Variants in ADAMTS12 observed in about 807,000 individuals in gnomAD.
ADAMTS12 encodes the protein ADAM metallopeptidase with thrombospondin type 1 motif 12, also known as A disintegrin and metalloproteinase with thrombospondin motifs 12.
Under a neutral mutation model 167.8 loss-of-function variants are expected in ADAMTS12, and 118 were observed. The ratio of observed to expected loss-of-function variants is 0.70; its 90% CI spans 0.61 to 0.82. The LOEUF is 0.82. ADAMTS12 is among the 40% of genes least tolerant of loss of function. The pLI is 0.00. For synonymous variants in ADAMTS12, 704 were observed against 716.9 expected, an observed-to-expected ratio of 0.98 and a Z score of 0.29; for missense variants, 1,916 against 1,998.8, an observed-to-expected ratio of 0.96 and a Z score of 0.79.
chr5:33,734,261 T>C (rs1172998389), intron 3 of ADAMTS12, among the ~76,000 whole-genome samples: 2 of 152,238 alleles, frequency 1.3e-5, no homozygotes, highest in Non-Finnish European at 2.9e-5. Context: ...GAAGTGGTCA[T>C]ACCCTGTCAC....
intron 2 of ADAMTS12, among the ~76,000 whole-genome samples, chr5:33,835,364 TC>T (rs1218016051): frequency 6.6e-6 from 1 of 152,236 alleles, no homozygotes; most frequent in Non-Finnish European, 1.5e-5. Flanking sequence ...TTAAGCATTA[TC>T]CCTAATCTTT....
At chr5:33,879,700 T>C (rs1561324550) in intron 2 of ADAMTS12, among the ~76,000 whole-genome samples, 1 of 152,218 alleles carries the variant, frequency 6.6e-6, no homozygotes. Flanking sequence ...AGCAAGACTT[T>C]CCATTTATTG....
intron 19 of ADAMTS12, among the ~76,000 whole-genome samples, chr5:33,570,964 G>C (rs1312844770): frequency 6.6e-6 from 1 of 151,468 alleles, no homozygotes; most frequent in Non-Finnish European, 1.5e-5. Context: ...TGATAAAACA[G>C]ACTTTAAACC....
chr5:33,734,991 A>G (rs1744320876), intron 3 of ADAMTS12, among the ~76,000 whole-genome samples: 1 of 152,262 alleles, frequency 6.6e-6, no homozygotes, highest in South Asian at 2.1e-4. Context: ...GATGTCTGGT[A>G]AAGTCTTTTG....
chr5:33,649,476 G>A lies in ADAMTS12; in HGVS notation c.1334+78C>T, dbSNP rs537710763. The A allele has an allele frequency of 9.1e-6, 14 of 1,531,950 alleles. No homozygotes were observed. The African/African-American group carries it at 1.9e-4, about 21-fold the overall frequency. The allele number at this position is 1,531,950 out of a possible 1,614,324, so 94.9% of individuals were successfully genotyped here. ...GGAATCCAGCCTTTTCCAGGCATCA[G>A]CTTCTCTGTGTAAAACTCAATGCAG... On this transcript the variant is annotated intron_variant, in intron 8 of 23. Coordinates refer to ENST00000504830, the MANE Select transcript of ADAMTS12 (RefSeq NM_030955.4).
chr5:33,538,450 C>A (rs1744521774), intron 22 of ADAMTS12, among the ~76,000 whole-genome samples: 1 of 152,174 alleles, frequency 6.6e-6, no homozygotes, highest in South Asian at 2.1e-4. Flanking sequence ...CACCATGTCT[C>A]ATGCCTCCCT....
At chr5:33,586,070 G>T (rs1280002826) in intron 18 of ADAMTS12, among the ~76,000 whole-genome samples, 2 of 152,194 alleles carry the variant, frequency 1.3e-5, no homozygotes, top group African/African-American at 2.4e-5. Context: ...ACCATCCAGG[G>T]TGATGAAAAT....
intron 21 of ADAMTS12, among the ~76,000 whole-genome samples, chr5:33,548,967 C>A (rs1330981790): frequency 6.6e-6 from 1 of 152,184 alleles, no homozygotes; most frequent in Admixed American, 6.5e-5. Context: ...GGTTGCAACA[C>A]AACACTGAAC....
intron 16 of ADAMTS12, among the ~76,000 whole-genome samples, chr5:33,604,688 A>G (rs1363159304): frequency 6.6e-6 from 1 of 152,032 alleles, no homozygotes; most frequent in Non-Finnish European, 1.5e-5. Context: ...TGTCAATGTC[A>G]CCATGAGACA....
chr5:33,630,993 G>A (rs79948421), intron 12 of ADAMTS12, 80 bp from the exon 13 acceptor site: 85,838 of 1,543,378 alleles, frequency 0.056, 2,782 homozygotes, highest in Non-Finnish European at 0.063. Context: ...CCGTACTTAG[G>A]ACCCCCAAGT....
At chr5:33,865,908 T>C (rs1749802563) in intron 2 of ADAMTS12, among the ~76,000 whole-genome samples, 1 of 151,940 alleles carries the variant, frequency 6.6e-6, no homozygotes, top group Admixed American at 6.6e-5. Flanking sequence ...ACCAATGAGA[T>C]AAAAGAGCTC....
rs140273784 is a variant in ADAMTS12 at position 33,838,780 on chromosome 5, G to A, written c.489+42339C>T. On this transcript the variant is annotated intron_variant, in intron 2 of 23. Coordinates refer to ENST00000504830, the MANE Select transcript of ADAMTS12 (RefSeq NM_030955.4). Reference sequence around the variant, plus strand: ...GAGCAGAGAAGAGGACCTGGGGAGGGATGGTGAAGGGACTGAAGTGAGTAG... The same window carrying A: ...GAGCAGAGAAGAGGACCTGGGGAGGAATGGTGAAGGGACTGAAGTGAGTAG... Among the ~76,000 whole-genome samples, 29 of 152,220 alleles carry A rather than the reference G, an allele frequency of 1.9e-4. No homozygotes were observed. In the East Asian group the frequency reaches 5.6e-3, roughly 29 times the overall value.
In ADAMTS12 at chr5:33,863,626, T is replaced by G. The variant is rs187645407; in HGVS notation, c.489+17493A>C. 1.4e-3 allele frequency among the ~76,000 whole-genome samples: 218 copies of G among 152,330 alleles called. 2 individuals carry two copies. The highest frequency in any genetic ancestry group is 5.1e-3 in the African/African-American group (212 of 41,574). On this transcript the variant is annotated intron_variant, in intron 2 of 23. Coordinates refer to ENST00000504830, the MANE Select transcript of ADAMTS12 (RefSeq NM_030955.4). ...ATCAATATCGTGAAAATGGCCATAC[T>G]GACCAAAGTAATTTATAGATTCAAT...
chr5:33,682,752 G>C (rs981724970), intron 5 of ADAMTS12, among the ~76,000 whole-genome samples: 1 of 152,140 alleles, frequency 6.6e-6, no homozygotes, highest in African/African-American at 2.4e-5. Flanking sequence ...AACATCTTTA[G>C]TGACTGCGGT....
chr5:33,542,247 C>A (rs551350768), intron 22 of ADAMTS12, among the ~76,000 whole-genome samples: 5 of 152,238 alleles, frequency 3.3e-5, no homozygotes, highest in South Asian at 4.2e-4. Flanking sequence ...CAAAGAAAGC[C>A]ATTACATAAT....
Position 33,576,289 on chromosome 5 carries a change from T to C in ADAMTS12, c.3737A>G (p.Asn1246Ser), listed in dbSNP as rs373062449. 5.0e-6 allele frequency: 8 copies of C among 1,614,074 alleles called. No individual in the cohort carries two copies. The African/African-American group carries it at 6.7e-5, about 13-fold the overall frequency. ...GTCTCCTCCCAGAGGGAGCAGAGTG[T>C]TGGCTGGCTTTTCAGTAACCATCCC... Reference protein sequence around the residue: ...VEGMVTEKPANTLLPLGGDHQ... With the variant: ...VEGMVTEKPASTLLPLGGDHQ... Residue 1246 changes from asparagine to serine, a missense_variant, in exon 19 of 24, where the codon AAC (asparagine) becomes AGC (serine). By Grantham distance (46) the Asn-to-Ser change is conservative (BLOSUM62 1). Transcript: ENST00000504830.
intron 2 of ADAMTS12, among the ~76,000 whole-genome samples, chr5:33,817,075 C>G (rs1329225870): frequency 6.6e-6 from 1 of 152,138 alleles, no homozygotes; most frequent in Non-Finnish European, 1.5e-5. Context: ...AAATATTAAT[C>G]AGACTTCTAC....
intron 2 of ADAMTS12, among the ~76,000 whole-genome samples, chr5:33,797,169 G>A (rs1746805956): frequency 6.6e-6 from 1 of 152,156 alleles, no homozygotes; most frequent in Non-Finnish European, 1.5e-5. Context: ...TAGATGCCTA[G>A]CCTCCCACAG....
intron 2 of ADAMTS12, among the ~76,000 whole-genome samples, chr5:33,784,566 GA>G (rs1238144757): frequency 2.6e-5 from 4 of 151,886 alleles, no homozygotes; most frequent in Non-Finnish European, 5.9e-5. Flanking sequence ...ATCCAAAAAT[GA>G]AACTAAGAAA....
Sources: gnomAD v4.1 joint callset for allele counts (sites outside exome capture counted in the v4.1 genomes callset) on GRCh38, gnomAD v4.1.1 for gene constraint, MANE v1.5 for transcripts, NCBI Gene and HGNC (gene_info 2026-07-23, HGNC 2026-07-21) for gene names.